ROBO2: variants seen among roughly 807,000 people sequenced by gnomAD.
The protein encoded by ROBO2 is roundabout homolog 2.
Under a neutral mutation model 160.8 loss-of-function variants are expected in ROBO2, and 53 were observed. That is an observed-to-expected ratio of 0.33 (90% CI 0.26 to 0.41). The LOEUF (loss-of-function observed/expected upper bound fraction) is 0.41. ROBO2 is among the 10% of genes least tolerant of loss of function. The pLI is 1.00. For synonymous variants in ROBO2, 664 were observed against 611.7 expected, an observed-to-expected ratio of 1.09 and a Z score of -1.26; for missense variants, 1,577 against 1,722.4, an observed-to-expected ratio of 0.92 and a Z score of 1.49.
At chr3:77,620,703 A>G (rs1265676641) in intron 22 of ROBO2, among the ~76,000 whole-genome samples, 1 of 152,218 alleles carries the variant, frequency 6.6e-6, no homozygotes, top group Non-Finnish European at 1.5e-5. Context: ...GAATCCTGTT[A>G]ACATTGAGGT....
Position 75,937,122 on chromosome 3 carries a change from G to T in ROBO2, c.-13-359G>T, listed in dbSNP as rs1332792717. Among the ~76,000 whole-genome samples the T allele has an allele frequency of 4.6e-5, 7 of 152,090 alleles. No individual in the cohort carries two copies. The East Asian group carries it at 1.4e-3, about 29-fold the overall frequency. ...CATGGTATGTTAAATTCATCAATTT[G>T]CCTAAATATCAAGTTATACTTAAGT... On this transcript the variant is annotated intron_variant, in intron 1 of 26. Coordinates refer to the ROBO2 transcript ENST00000487694.
chr3:77,280,853 C>T (rs190406635), intron 2 of ROBO2, among the ~76,000 whole-genome samples: 2 of 152,254 alleles, frequency 1.3e-5, no homozygotes, highest in East Asian at 3.9e-4. Flanking sequence ...CATGTGGACA[C>T]TGATTACACA....
At chr3:76,116,496 G>A (rs1250023453) in intron 2 of ROBO2, among the ~76,000 whole-genome samples, 1 of 152,104 alleles carries the variant, frequency 6.6e-6, no homozygotes, top group Non-Finnish European at 1.5e-5. Context: ...TGTAGATGTA[G>A]AAGGTTAGAG....
chr3:76,111,398 G>A (rs979978153), intron 2 of ROBO2, among the ~76,000 whole-genome samples: 1 of 151,902 alleles, frequency 6.6e-6, no homozygotes, highest in African/African-American at 2.4e-5. Context: ...TGAGCTTCTG[G>A]CCTCCAGAAA....
At chr3:77,071,931 T>C (rs527244449) in intron 1 of ROBO2, among the ~76,000 whole-genome samples, 3 of 152,190 alleles carry the variant, frequency 2.0e-5, no homozygotes, top group Admixed American at 2.0e-4. Context: ...AACAGGAGTC[T>C]CCAACCCCTG....
intron 2 of ROBO2, among the ~76,000 whole-genome samples, chr3:76,811,649 C>G (rs1323005029): frequency 6.6e-6 from 1 of 152,110 alleles, no homozygotes; most frequent in Non-Finnish European, 1.5e-5. Flanking sequence ...AACCAAATCT[C>G]AATTCTTGAC....
At chr3:77,639,287 C>A (rs1159690694) in intron 24 of ROBO2, among the ~76,000 whole-genome samples, 1 of 151,946 alleles carries the variant, frequency 6.6e-6, no homozygotes, top group Admixed American at 6.6e-5. Flanking sequence ...CAATGGGAGC[C>A]AAACAGACAA....
In ROBO2 at chr3:76,480,998, A is replaced by G. The variant is rs138505417; in HGVS notation, c.109+543396A>G. ...TTGTATGGAGTTATTAAATATCTCA[A>G]ATAGCCCCAGCCAATTCATTTTGTT... is the stretch of plus-strand genomic sequence containing the variant. On this transcript the variant is annotated intron_variant, in intron 2 of 26. Transcript: ENST00000487694. Among the ~76,000 whole-genome samples the G allele has an allele frequency of 1.7e-3, 266 of 152,336 alleles. 1 individual carries two copies. Among genetic ancestry groups the G allele is most frequent in the Non-Finnish European group, 3.0e-3 (207 of 68,028 alleles).
intron 2 of ROBO2, among the ~76,000 whole-genome samples, chr3:77,437,882 T>C (rs1439927376): frequency 6.6e-6 from 1 of 152,032 alleles, no homozygotes; most frequent in African/African-American, 2.4e-5. Flanking sequence ...ATGCAAGAAC[T>C]TATATCAGTC....
intron 2 of ROBO2, among the ~76,000 whole-genome samples, chr3:76,493,995 C>A (rs1346320577): frequency 6.6e-6 from 1 of 152,118 alleles, no homozygotes; most frequent in Admixed American, 6.5e-5. Context: ...CACTCCCAGG[C>A]ATGTACCCCA....
intron 2 of ROBO2, among the ~76,000 whole-genome samples, chr3:76,774,462 G>A (rs528497036): frequency 4.0e-5 from 6 of 150,934 alleles, no homozygotes; most frequent in South Asian, 2.1e-4. Flanking sequence ...CTAATTCATC[G>A]TATATCTTAG....
chr3:76,534,315 A>G (rs1355269576), intron 2 of ROBO2, among the ~76,000 whole-genome samples: 1 of 152,158 alleles, frequency 6.6e-6, no homozygotes, highest in Admixed American at 6.5e-5. Context: ...TTCTCTAAGA[A>G]CAGTAATCAG....
intron 2 of ROBO2, among the ~76,000 whole-genome samples, chr3:76,279,200 C>CT (rs1404551770): frequency 2.0e-5 from 3 of 151,220 alleles, no homozygotes; most frequent in African/African-American, 7.3e-5. Context: ...TGCAAGCTCA[C>CT]TTTTTTTGGG....
chr3:77,116,558 C>T (rs534455727), intron 2 of ROBO2, among the ~76,000 whole-genome samples: 1 of 144,458 alleles, frequency 6.9e-6, no homozygotes, highest in Non-Finnish European at 1.5e-5. Context: ...TAAACTTGGA[C>T]ACTTAGAAAA....
intron 2 of ROBO2, among the ~76,000 whole-genome samples, chr3:77,226,922 G>A (rs2086570167): frequency 6.6e-6 from 1 of 152,056 alleles, no homozygotes; most frequent in South Asian, 2.1e-4. Flanking sequence ...ATCATAAGTC[G>A]GTGACTGTGC....
At chr3:76,413,306 T>TGA (rs2075591819) in intron 2 of ROBO2, among the ~76,000 whole-genome samples, 1 of 152,188 alleles carries the variant, frequency 6.6e-6, no homozygotes, top group African/African-American at 2.4e-5. Context: ...GATTAACATA[T>TGA]CATGTCACCA....
chr3:77,082,083 T>A lies in ROBO2; in HGVS notation c.62-15931T>A, dbSNP rs539292659. ...TATACTAATTGATATAACTTGGTCA[T>A]AATAAGAGACTGTTTTAAGCTGTAT... is the stretch of plus-strand genomic sequence containing the variant. On this transcript the variant is annotated intron_variant, in intron 1 of 25. Transcript: ENST00000461745. Among the ~76,000 whole-genome samples the A allele has an allele frequency of 3.4e-3, 519 of 152,266 alleles. 4 individuals are homozygous for A. The highest frequency in any genetic ancestry group is 2.1e-3 in the Non-Finnish European group (143 of 68,012).
intron 2 of ROBO2, among the ~76,000 whole-genome samples, chr3:76,646,212 G>T (rs2090962864): frequency 6.6e-6 from 1 of 152,302 alleles, no homozygotes; most frequent in Middle Eastern, 3.4e-3. Flanking sequence ...GTAGTCCTGG[G>T]AAAGCCTGAG....
intron 2 of ROBO2, among the ~76,000 whole-genome samples, chr3:76,164,907 A>G (rs2072768419): frequency 6.6e-6 from 1 of 152,152 alleles, no homozygotes; most frequent in South Asian, 2.1e-4. Context: ...GGGGACAGTG[A>G]ACAAAACCAA....
Sources: gnomAD v4.1 joint callset for allele counts (sites outside exome capture counted in the v4.1 genomes callset) on GRCh38, gnomAD v4.1.1 for gene constraint, MANE v1.5 for transcripts, NCBI Gene and HGNC (gene_info 2026-07-23, HGNC 2026-07-21) for gene names.